ZZEF1: variants seen among roughly 807,000 people sequenced by gnomAD.
ZZEF1 encodes the protein zinc finger ZZ-type and EF-hand domain-containing protein 1.
ZZEF1 carries 157 observed loss-of-function variants against 342.8 expected under a neutral mutation model. That is an observed-to-expected ratio of 0.46 (90% CI 0.40 to 0.52). The LOEUF (loss-of-function observed/expected upper bound fraction) is 0.52, where lower values mean the gene tolerates loss of function less well. Ranked by LOEUF, ZZEF1 falls within the 20% of genes least tolerant of loss-of-function variation. The pLI, the probability that ZZEF1 is intolerant of heterozygous loss-of-function variation, is 0.00. For synonymous variants in ZZEF1, 1,505 were observed against 1,429.1 expected (o/e 1.05, Z -1.20); for missense variants, 3,480 against 3,725.6 (o/e 0.93, Z 1.72).
intron 31 of ZZEF1, among the ~76,000 whole-genome samples, chr17:4,058,612 T>C (rs933124689): frequency 8.5e-5 from 13 of 152,184 alleles, no homozygotes; most frequent in African/African-American, 3.1e-4. Context: ...TGGTGGCTCA[T>C]GACTGTAATT....
chr17:4,072,909 G>A, intron 24 of ZZEF1, 153 bp from the exon 25 acceptor site: 1 of 719,448 alleles, frequency 1.4e-6, no homozygotes, highest in Admixed American at 3.3e-5. Flanking sequence ...GTGATACTTT[G>A]TAAACACATA....
At position 4,142,660 on chromosome 17, in the gene ZZEF1, G is replaced by C. The variant is rs2058882912; in HGVS notation, c.236C>G (p.Ala79Gly). The change falls in exon 1 of 55, where the codon GCG becomes GGG. Residue 79 changes from alanine (A) to glycine (G), a missense_variant. Around this residue, in one of 5 missense-constraint regions of ZZEF1, gnomAD observed 416 missense variants for 374.2 expected, o/e 1.11. Coordinates refer to ENST00000381638, the MANE Select transcript of ZZEF1 (RefSeq NM_015113.4). ...CESLVSRHRGALFRWLEERLG... is the reference protein window; with the variant it reads ...CESLVSRHRGGLFRWLEERLG... ...CCGCTCTTCCAGCCAGCGAAACAAC[G>C]CGCCGCGATGCCTCGACACCAGCGA... 3 of 1,607,272 alleles carry C rather than the reference G, an allele frequency of 1.9e-6. No homozygotes were observed. The highest frequency in any genetic ancestry group is 2.7e-5 in the African/African-American group (2 of 74,878).
At position 4,117,132 on chromosome 17, in the gene ZZEF1, G is replaced by A. The variant is rs763514370; in HGVS notation, c.534C>T (p.Gly178=). The A allele has an allele frequency of 4.3e-6, 7 of 1,613,468 alleles. No individual in the cohort carries two copies. The highest frequency in any genetic ancestry group is 4.0e-5 in the African/African-American group (3 of 74,908). ...GTATCATTGACGAGTGAATATCAAG[G>A]CCCTCCTTCGACTCTGAAAATATGT... The part of the protein sequence containing the change: ...FTDIFSESKE[G]LDIHSSMILR... Residue 178 remains glycine (G), a synonymous_variant, in exon 3 of 55, where the codon GGC becomes GGT. Coordinates refer to ENST00000381638, the MANE Select transcript of ZZEF1 (RefSeq NM_015113.4).
intron 39 of ZZEF1, among the ~76,000 whole-genome samples, chr17:4,036,831 T>A (rs1390530219): frequency 1.1e-4 from 15 of 141,306 alleles, no homozygotes; most frequent in Non-Finnish European, 2.2e-4. Flanking sequence ...TCTCTCTCTC[T>A]CTCTCTCTCT....
rs1026080358 is a variant in ZZEF1, at chr17:4,014,756, T to C, written c.8146-241A>G. On this transcript the variant is annotated intron_variant, in intron 49 of 54. Transcript: ENST00000381638. This position sits in a 1 kb window ranked among gnomAD's most constrained non-coding sequence, Gnocchi z 4.4. The stretch of plus-strand genomic sequence containing the variant: ...CCCCAGAGAAAGAGTGTCAGGCTGC[T>C]GTGAAGAGTGAAGAGGACAGGAGGA... Among the ~76,000 whole-genome samples the C allele has an allele frequency of 4.6e-5, 7 of 151,884 alleles. No individual in the cohort carries two copies. Among genetic ancestry groups the C allele is most frequent in the Non-Finnish European group, 5.9e-5 (4 of 67,948 alleles).
At chr17:4,084,466 T>C (rs1486066006) in intron 16 of ZZEF1, among the ~76,000 whole-genome samples, 1 of 152,222 alleles carries the variant, frequency 6.6e-6, no homozygotes, top group Non-Finnish European at 1.5e-5. Flanking sequence ...GAGTGGCCTA[T>C]AATTTTGCTG....
At chr17:4,095,539 G>A (rs544425679) in intron 11 of ZZEF1, among the ~76,000 whole-genome samples, 58 of 152,308 alleles carry the variant, frequency 3.8e-4, no homozygotes, top group African/African-American at 1.4e-3. Context: ...GCTAAAGACT[G>A]CAGGCTGTCC....
rs750671881 is a variant in ZZEF1 at position 4,017,517 on chromosome 17, C to T, written c.7855G>A (p.Ala2619Thr). The T allele has an allele frequency of 1.7e-5, 27 of 1,614,116 alleles. No homozygotes were observed. Among genetic ancestry groups the T allele is most frequent in the Non-Finnish European group, 2.1e-5 (25 of 1,180,044 alleles). ...AGCAGGGATGCAAGCACGTGGCGGG[C>T]GTACAGGACAGCTGTGGCCTCGTTC... The part of the protein sequence containing the change: ...RVNEATAVLY[A>T]RHVLASLLAE... Residue 2619 changes from alanine (A) to threonine (T), a missense_variant, in exon 48 of 55, where the codon GCC becomes ACC. By Grantham distance (58) the Ala-to-Thr change is moderately conservative (BLOSUM62 0). Coordinates refer to ENST00000381638, the MANE Select transcript of ZZEF1 (RefSeq NM_015113.4). This position sits in a 1 kb window ranked among gnomAD's most constrained non-coding sequence, Gnocchi z 5.1.
chr17:4,108,808 A>G (rs918531506), intron 6 of ZZEF1, among the ~76,000 whole-genome samples: 10 of 152,256 alleles, frequency 6.6e-5, no homozygotes, highest in Admixed American at 6.5e-4. Flanking sequence ...ACAGGAAGAA[A>G]GAACAAGGTA....
At position 4,008,537 on chromosome 17, in the gene ZZEF1, A is replaced by T. The variant is rs75649549; in HGVS notation, c.8805+346T>A. The T allele has an allele frequency of 2.1e-3, 2,264 of 1,055,828 alleles. 42 individuals are homozygous for T. The African/African-American group carries it at 0.036, about 17-fold the overall frequency. The allele number at this position is 1,055,828 out of a possible 1,614,324, so 65.4% of individuals were successfully genotyped here. A position where few individuals can be genotyped will look rare whatever the true frequency, so the allele number is the denominator to read the frequency against. ...CCTGAGACCAAACAGCTGTCAGAAG[A>T]GGAGTTCCGCTACCAGAGAAGCAAC... On this transcript the variant is annotated intron_variant, in intron 54 of 54. Coordinates refer to ENST00000381638, the MANE Select transcript of ZZEF1 (RefSeq NM_015113.4). The surrounding 1 kb of genome is among the most constrained non-coding windows in gnomAD (Gnocchi z 4.2).
intron 25 of ZZEF1, among the ~76,000 whole-genome samples, chr17:4,071,132 C>T (rs756382436): frequency 3.9e-5 from 6 of 152,076 alleles, no homozygotes; most frequent in Non-Finnish European, 8.8e-5. Flanking sequence ...CTAGCATTCC[C>T]GTAAAGCAAA....
intron 29 of ZZEF1, 89 bp downstream of exon 29, chr17:4,064,272 C>T (rs2057345390): frequency 5.0e-6 from 5 of 996,828 alleles, no homozygotes; most frequent in South Asian, 3.4e-5. Flanking sequence ...ATTATTTGTT[C>T]GTTTTTAACA....
At chr17:4,097,077 C>T (rs756555108) in intron 9 of ZZEF1, among the ~76,000 whole-genome samples, 7 of 151,858 alleles carry the variant, frequency 4.6e-5, no homozygotes, top group African/African-American at 7.2e-5. Context: ...CTGGCTAACA[C>T]GGAGAAACCC....
Position 4,095,834 on chromosome 17 carries a change from C to A in ZZEF1, c.1910G>T (p.Ser637Ile). Residue 637 changes from serine to isoleucine, a missense_variant, in exon 11 of 55, where the codon AGC (serine) becomes ATC (isoleucine). Physicochemically the swap from Ser to Ile is moderately radical, Grantham distance 142 (BLOSUM62 -2). Transcript: ENST00000381638. ...KLQELRQFVK[S>I]RIGCSSDDLG... ...CAAAGATTTTTTACCTTCTTACCTG[C>A]TTTTTACAAATTGCCTGAGCTCCTG... The A allele has an allele frequency of 6.2e-7, 1 of 1,605,292 alleles. No individual in the cohort carries two copies.
At chr17:4,072,554 A>G in intron 25 of ZZEF1, 54 bp downstream of exon 25, 1 of 1,544,602 alleles carries the variant, frequency 6.5e-7, no homozygotes, top group Non-Finnish European at 8.7e-7. Flanking sequence ...TAAAGTAATA[A>G]ATACTTGCAG....
At position 4,072,147 on chromosome 17, in the gene ZZEF1, G is replaced by C. The variant is rs374127725; in HGVS notation, c.3834+461C>G. Among the ~76,000 whole-genome samples, 4 of 152,156 alleles carry C rather than the reference G, an allele frequency of 2.6e-5. No individual in the cohort carries two copies. In the East Asian group the frequency reaches 5.8e-4, roughly 22 times the overall value. ...TGAATAACGTGGGGCAGGGCAGGGA[G>C]GGGAAGGAAGAAAAGTAGAATACAG... On this transcript the variant is annotated intron_variant, in intron 25 of 54. Coordinates refer to ENST00000381638, the MANE Select transcript of ZZEF1 (RefSeq NM_015113.4).
rs1303897484 is a variant in ZZEF1 at position 4,020,043 on chromosome 17, ATACT to A, written c.7405-278_7405-275del. 4 of 323,130 alleles carry A rather than the reference ATACT, an allele frequency of 1.2e-5. No homozygotes were observed. In the Admixed American group the frequency reaches 2.1e-4, roughly 17 times the overall value. The allele number at this position is 323,130 out of a possible 1,614,324, so 20.0% of individuals were successfully genotyped here. ...CAACAAAATACAATGCTGACAGTAG[ATACT>A]TACCACATCGTATTCACGGCTAGCG... On this transcript the variant is annotated intron_variant, in intron 45 of 54. Transcript: ENST00000381638.
At position 4,017,332 on chromosome 17, in the gene ZZEF1, A is replaced by G. The variant is rs776109153; in HGVS notation, c.8001+39T>C. 1.3e-6 allele frequency: 2 copies of G among 1,547,724 alleles called. No homozygotes were observed. The highest frequency in any genetic ancestry group is 4.5e-5 in the East Asian group (2 of 44,142). On this transcript the variant is annotated intron_variant, in intron 48 of 54. Coordinates refer to ENST00000381638, the MANE Select transcript of ZZEF1 (RefSeq NM_015113.4). The surrounding 1 kb of genome is among the most constrained non-coding windows in gnomAD (Gnocchi z 5.1). Reference sequence around the variant, plus strand: ...GAGGAAGCCTGTGGGGCAGAGGAAGAACCTGGTGGGTGAGCACAAGCTCAG... The same window carrying G: ...GAGGAAGCCTGTGGGGCAGAGGAAGGACCTGGTGGGTGAGCACAAGCTCAG...
At chr17:4,026,528 T>C (rs1234483185) in intron 42 of ZZEF1, among the ~76,000 whole-genome samples, 1 of 151,568 alleles carries the variant, frequency 6.6e-6, no homozygotes, top group Admixed American at 6.6e-5. Context: ...TTTTTCTTTT[T>C]TTTTTTTTTG....
Sources: allele counts gnomAD v4.1 joint callset (sites outside exome capture counted in the v4.1 genomes callset), GRCh38; gene constraint gnomAD v4.1.1; regional missense constraint gnomAD v4.1.1; non-coding constraint Gnocchi (gnomAD v3.1); transcripts MANE v1.5; gene names NCBI Gene and HGNC (gene_info 2026-07-23, HGNC 2026-07-21).